TRPC7: variants seen among roughly 807,000 people sequenced by gnomAD.
TRPC7 encodes the protein short transient receptor potential channel 7.
A neutral mutation model predicts 90.1 loss-of-function variants in TRPC7; 42 were observed. The ratio of observed to expected loss-of-function variants is 0.47; its 90% CI spans 0.36 to 0.60. TRPC7 has a LOEUF of 0.60. Among genes scored for constraint, TRPC7 ranks in the 20% least tolerant of loss-of-function variants. The pLI is 0.00. For synonymous variants in TRPC7, 451 were observed against 436.3 expected (o/e 1.03, Z -0.42); for missense variants, 955 against 1,112.3 (o/e 0.86, Z 2.01).
At chr5:136,263,719 G>A (rs558243201) in intron 5 of TRPC7, among the ~76,000 whole-genome samples, 6 of 152,238 alleles carry the variant, frequency 3.9e-5, no homozygotes, top group Middle Eastern at 6.8e-3. Flanking sequence ...AAATATCAGC[G>A]ACTGTGAAGC....
intron 5 of TRPC7, among the ~76,000 whole-genome samples, chr5:136,253,682 G>C (rs2149806812): frequency 6.6e-6 from 1 of 152,140 alleles, no homozygotes; most frequent in East Asian, 1.9e-4. Context: ...CTGTTTCCCT[G>C]TCTTTCCCTC....
chr5:136,245,997 G>T (rs1756323615), intron 7 of TRPC7, among the ~76,000 whole-genome samples: 1 of 152,176 alleles, frequency 6.6e-6, no homozygotes, highest in Non-Finnish European at 1.5e-5. Flanking sequence ...GGCCCTCCAG[G>T]AGACTATCTG....
In TRPC7 at chr5:136,225,298, A is replaced by C; in HGVS notation, c.2319T>G (p.Thr773=). The part of the protein sequence containing the change: ...RNSENLTANN[T]LSKPTRYQKI... ...CCTGGTATCTGGTGGGCTTGCTCAA[A>C]GTGTTATTTGCTGTCAGATTTTCAG... The change falls in exon 10 of 12, where the codon ACT becomes ACG. Residue 773 remains threonine, a synonymous_variant. Coordinates refer to ENST00000513104, the MANE Select transcript of TRPC7 (RefSeq NM_020389.3). 1 of 1,613,196 alleles carries C rather than the reference A, an allele frequency of 6.2e-7. No homozygotes were observed. The highest frequency in any genetic ancestry group is 1.1e-5 in the South Asian group (1 of 90,752).
chr5:136,350,717 GC>G (rs1191767536), intron 2 of TRPC7, among the ~76,000 whole-genome samples: 1 of 152,182 alleles, frequency 6.6e-6, no homozygotes, highest in Non-Finnish European at 1.5e-5. Flanking sequence ...CCCTAGTGTG[GC>G]CCTGAGGAAA....
At chr5:136,321,508 AG>A (rs1759197420) in intron 2 of TRPC7, among the ~76,000 whole-genome samples, 1 of 152,216 alleles carries the variant, frequency 6.6e-6, no homozygotes, top group African/African-American at 2.4e-5. Flanking sequence ...AATCATTCGG[AG>A]AATTCAACAC....
At chr5:136,340,760 C>T (rs1021719265) in intron 2 of TRPC7, among the ~76,000 whole-genome samples, 14 of 151,924 alleles carry the variant, frequency 9.2e-5, no homozygotes, top group East Asian at 3.9e-4. Context: ...AATAGACAAA[C>T]GTCGATTTTT....
chr5:136,246,547 T>G (rs1044840501), intron 7 of TRPC7, among the ~76,000 whole-genome samples: 5 of 152,342 alleles, frequency 3.3e-5, no homozygotes, highest in Non-Finnish European at 2.9e-5. Flanking sequence ...CTGTGTATTC[T>G]GGTGGGCAGT....
intron 2 of TRPC7, among the ~76,000 whole-genome samples, chr5:136,320,286 T>A (rs555534556): frequency 1.3e-5 from 2 of 152,288 alleles, no homozygotes; most frequent in South Asian, 4.1e-4. Flanking sequence ...TTTCACCAAT[T>A]TTACTATTTC....
chr5:136,221,113 C>CTG (rs34373112), intron 10 of TRPC7, among the ~76,000 whole-genome samples: 73,404 of 148,650 alleles, frequency 0.49, 17,792 homozygotes, highest in East Asian at 0.53. Flanking sequence ...GTGTATGTGT[C>CTG]TGTGTGTGTG....
At chr5:136,358,552 C>T (rs935597518) in intron 1 of TRPC7, among the ~76,000 whole-genome samples, 1 of 152,128 alleles carries the variant, frequency 6.6e-6, no homozygotes, top group Non-Finnish European at 1.5e-5. Flanking sequence ...CCATCATTTG[C>T]CAGTCTTGGA....
chr5:136,320,069 T>A (rs1215430790), intron 2 of TRPC7, among the ~76,000 whole-genome samples: 4 of 152,102 alleles, frequency 2.6e-5, no homozygotes, highest in African/African-American at 9.7e-5. Flanking sequence ...CACTTGGATG[T>A]CTAATAGGCA....
At chr5:136,359,054 A>G (rs1760478898) in intron 1 of TRPC7, among the ~76,000 whole-genome samples, 2 of 152,208 alleles carry the variant, frequency 1.3e-5, no homozygotes, top group African/African-American at 4.8e-5. Context: ...GATCACAGAG[A>G]AAGGCTTTAA....
chr5:136,259,728 A>G (rs961775780), intron 5 of TRPC7, among the ~76,000 whole-genome samples: 1 of 152,258 alleles, frequency 6.6e-6, no homozygotes. Flanking sequence ...TGTGGATGTT[A>G]GAGATTCTCC....
Position 136,295,283 on chromosome 5 carries a change from TATA to T in TRPC7, c.963+20311_963+20313del, listed in dbSNP as rs892393662. Among the ~76,000 whole-genome samples, 664 of 151,774 alleles carry T rather than the reference TATA, an allele frequency of 4.4e-3. 2 individuals carry two copies. Among genetic ancestry groups the T allele is most frequent in the African/African-American group, 0.014 (589 of 41,440 alleles). ...TGCACATGTACCCTAAAACTTAAAG[TATA>T]ATAATAATAATAATAAAGAAAAACA... On this transcript the variant is annotated intron_variant, in intron 3 of 11. Transcript: ENST00000513104.
chr5:136,223,633 T>TA (rs534891669), intron 10 of TRPC7, among the ~76,000 whole-genome samples: 2,456 of 140,204 alleles, frequency 0.018, 22 homozygotes, highest in Non-Finnish European at 0.019. Context: ...ATAAATAAAG[T>TA]AAAAAAAAAA....
intron 5 of TRPC7, among the ~76,000 whole-genome samples, chr5:136,253,750 T>C (rs1215731312): frequency 1.3e-5 from 2 of 152,206 alleles, no homozygotes; most frequent in African/African-American, 4.8e-5. Context: ...CAATTAATAG[T>C]TCTACAATGG....
intron 2 of TRPC7, among the ~76,000 whole-genome samples, chr5:136,343,218 T>A (rs1759898429): frequency 6.6e-6 from 1 of 152,224 alleles, no homozygotes; most frequent in African/African-American, 2.4e-5. Flanking sequence ...TTAACAAGAC[T>A]AAATGCATAA....
At chr5:136,341,733 A>G (rs191572101) in intron 2 of TRPC7, among the ~76,000 whole-genome samples, 1 of 152,312 alleles carries the variant, frequency 6.6e-6, no homozygotes, top group Non-Finnish European at 1.5e-5. Context: ...CTATTCAGGT[A>G]ATTCAAGGAG....
chr5:136,317,745 G>C (rs1036660194), intron 2 of TRPC7, among the ~76,000 whole-genome samples: 1 of 152,196 alleles, frequency 6.6e-6, no homozygotes, highest in South Asian at 2.1e-4. Flanking sequence ...CTCATTTCTT[G>C]ATGGAAACTC....
Sources: gnomAD v4.1 joint callset for allele counts (sites outside exome capture counted in the v4.1 genomes callset) on GRCh38, gnomAD v4.1.1 for gene constraint, MANE v1.5 for transcripts, NCBI Gene and HGNC (gene_info 2026-07-23, HGNC 2026-07-21) for gene names.